The following CNIH3 variants were observed in gnomAD, a reference collection of about 807,000 sequenced individuals.
CNIH3 encodes protein cornichon homolog 3.
CNIH3 carries 14 observed loss-of-function variants against 24.1 expected under a neutral mutation model. The observed-to-expected ratio is 0.58, with a 90% CI of 0.38 to 0.91. The LOEUF is 0.91. CNIH3 is among the 40% of genes least tolerant of loss of function. The probability of loss-of-function intolerance (pLI) is 0.00; values close to 1 mark genes in which losing one functional copy is unlikely to be tolerated. For missense variants in CNIH3, 178 were observed against 196.8 expected, an observed-to-expected ratio of 0.90 and a Z score of 0.57; for synonymous variants, 68 against 73.8, an observed-to-expected ratio of 0.92 and a Z score of 0.40.
At chr1:224,516,186 G>A (rs1168565676) in intron 1 of CNIH3, among the ~76,000 whole-genome samples, 5 of 151,694 alleles carry the variant, frequency 3.3e-5, no homozygotes, top group African/African-American at 1.2e-4. Flanking sequence ...ATGGTGGCAC[G>A]TGCCTGTAGT....
downstream of CNIH3, among the ~76,000 whole-genome samples, chr1:224,590,353 T>A (rs1287637932): frequency 6.6e-6 from 1 of 152,248 alleles, no homozygotes; most frequent in African/African-American, 2.4e-5. Flanking sequence ...CTTTTTTGTG[T>A]AACTGCTGTC....
chr1:224,738,198 A>G (rs1357358278), intron 5 of CNIH3, among the ~76,000 whole-genome samples: 1 of 152,200 alleles, frequency 6.6e-6, no homozygotes. Flanking sequence ...CAAGGCAGGA[A>G]TTGGGGCTGC....
chr1:224,464,151 G>C (rs1346151247), intron 1 of CNIH3, among the ~76,000 whole-genome samples: 6 of 152,006 alleles, frequency 3.9e-5, no homozygotes, highest in Non-Finnish European at 8.8e-5. Context: ...TTTTGATGGA[G>C]TTCACTTTAT....
intron 1 of CNIH3, among the ~76,000 whole-genome samples, chr1:224,501,932 A>G (rs1677691536): frequency 6.6e-6 from 1 of 152,070 alleles, no homozygotes; most frequent in South Asian, 2.1e-4. Flanking sequence ...CCTGTTGGAG[A>G]TGATTCTGTG....
At chr1:224,579,767 C>G (rs1225329093) in intron 4 of CNIH3, among the ~76,000 whole-genome samples, 1 of 152,194 alleles carries the variant, frequency 6.6e-6, no homozygotes, top group African/African-American at 2.4e-5. Flanking sequence ...CCCCCCCTCT[C>G]TCTTTCTTCC....
At chr1:224,534,222 A>G (rs186010400) in intron 2 of CNIH3, among the ~76,000 whole-genome samples, 168 of 152,296 alleles carry the variant, frequency 1.1e-3, no homozygotes, top group Admixed American at 2.7e-3. Context: ...ACACAATTCA[A>G]CCATAACATC....
chr1:224,686,514 A>G (rs1348927951), intron 3 of CNIH3, among the ~76,000 whole-genome samples: 1 of 152,182 alleles, frequency 6.6e-6, no homozygotes, highest in African/African-American at 2.4e-5. Context: ...TCCTTTGGGT[A>G]TATGCCCAGT....
chr1:224,683,294 A>G (rs1471648666), intron 2 of CNIH3, among the ~76,000 whole-genome samples: 4 of 152,232 alleles, frequency 2.6e-5, no homozygotes, highest in Non-Finnish European at 5.9e-5. Context: ...CCATGGGGAA[A>G]AGACTCTTGT....
upstream of CNIH3, among the ~76,000 whole-genome samples, chr1:224,513,175 T>A (rs976315091): frequency 2.0e-4 from 30 of 152,004 alleles, no homozygotes; most frequent in African/African-American, 7.3e-4. Flanking sequence ...GCTTTTTTTT[T>A]AAACAGTGGA....
chr1:224,634,533 A>G lies in CNIH3; in HGVS notation c.81+17278A>G, dbSNP rs1450385940. Among the ~76,000 whole-genome samples the G allele has an allele frequency of 4.0e-5, 6 of 151,542 alleles. No individual in the cohort carries two copies. In the East Asian group the frequency reaches 9.7e-4, roughly 25 times the overall value. ...GGTTGCAGTGAGCCGAGATTGTGCC[A>G]CGGCACTCCAGCCTGGGCAACAGAT... is the stretch of plus-strand genomic sequence containing the variant. On this transcript the variant is annotated intron_variant, in intron 1 of 5. Transcript: ENST00000272133.
intron 2 of CNIH3, among the ~76,000 whole-genome samples, chr1:224,545,150 G>A (rs768062852): frequency 5.3e-5 from 8 of 152,190 alleles, no homozygotes; most frequent in East Asian, 1.9e-4. Context: ...ATGTACAAAC[G>A]TATGTGTGTA....
chr1:224,616,472 G>C lies in CNIH3; in HGVS notation c.-703G>C, dbSNP rs1572592059. On this transcript the variant is annotated 5_prime_UTR_variant, in exon 1 of 6. Coordinates refer to ENST00000272133, the MANE Select transcript of CNIH3 (RefSeq NM_152495.2). ...CGCCCCGGTCCGACCCCCGGTTTCC[G>C]GGACACTTGGGTTGCGGAGGCCGGC... is the stretch of plus-strand genomic sequence containing the variant. The C allele has an allele frequency of 1.0e-6, 1 of 988,158 alleles. No individual in the cohort carries two copies. The highest frequency in any genetic ancestry group is 1.2e-6 in the Non-Finnish European group (1 of 831,184). 61.2% of individuals were successfully genotyped at this position (988,158 alleles called of 1,614,324 possible). A position where few individuals can be genotyped will look rare whatever the true frequency, so the allele number is the denominator to read the frequency against.
rs1390660337 is a variant in CNIH3 at position 224,666,935 on chromosome 1, G to A, written c.82-14023G>A. Among the ~76,000 whole-genome samples, 3 of 152,146 alleles carry A rather than the reference G, an allele frequency of 2.0e-5. No homozygotes were observed. The East Asian group carries it at 5.8e-4, about 29-fold the overall frequency. ...CTGAGATTGTGGTCTCTCCCTCCTG[G>A]GCAGTTTGCAAATTGAAATTTCATT... On this transcript the variant is annotated intron_variant, in intron 1 of 5. Coordinates refer to ENST00000272133, the MANE Select transcript of CNIH3 (RefSeq NM_152495.2).
At chr1:224,721,992 A>C (rs1688748283) in intron 3 of CNIH3, among the ~76,000 whole-genome samples, 1 of 152,106 alleles carries the variant, frequency 6.6e-6, no homozygotes, top group African/African-American at 2.4e-5. Flanking sequence ...GAAAGCCAGG[A>C]GCCAGAGACA....
intron 4 of CNIH3, among the ~76,000 whole-genome samples, chr1:224,571,372 A>G (rs1274767828): frequency 6.6e-6 from 1 of 152,146 alleles, no homozygotes; most frequent in Non-Finnish European, 1.5e-5. Context: ...AGCAAAACAT[A>G]TGAAATAACA....
At chr1:224,454,198 A>G (rs1445179897) in intron 1 of CNIH3, 3 of 653,192 alleles carry the variant, frequency 4.6e-6, no homozygotes, top group Non-Finnish European at 5.7e-6. Context: ...AAAAGGTGCT[A>G]TGCTTTATCT....
At chr1:224,583,973 C>T (rs769505834) in intron 5 of CNIH3, among the ~76,000 whole-genome samples, 7 of 152,186 alleles carry the variant, frequency 4.6e-5, no homozygotes, top group East Asian at 1.9e-4. Flanking sequence ...CACTTCCTGT[C>T]GTATTTTCCA....
At chr1:224,733,293 A>C (rs1393360213) in intron 4 of CNIH3, among the ~76,000 whole-genome samples, 1 of 152,208 alleles carries the variant, frequency 6.6e-6, no homozygotes, top group Non-Finnish European at 1.5e-5. Flanking sequence ...GTGACTGGTG[A>C]CTGGCAGGGC....
chr1:224,712,668 T>TG (rs1421365642), intron 3 of CNIH3, among the ~76,000 whole-genome samples: 1 of 152,236 alleles, frequency 6.6e-6, no homozygotes, highest in Non-Finnish European at 1.5e-5. Flanking sequence ...CAATATTTTG[T>TG]GCAAGATGCA....
Sources: gnomAD v4.1 joint callset for allele counts (sites outside exome capture counted in the v4.1 genomes callset) on GRCh38, gnomAD v4.1.1 for gene constraint, MANE v1.5 for transcripts, NCBI Gene and HGNC (gene_info 2026-07-23, HGNC 2026-07-21) for gene names.